HOMER2: variants seen among roughly 807,000 people sequenced by gnomAD.
HOMER2 encodes the protein homer protein homolog 2.
A neutral mutation model predicts 47.0 loss-of-function variants in HOMER2; 27 were observed. The observed-to-expected ratio is 0.57, with a 90% CI of 0.42 to 0.79. The LOEUF (loss-of-function observed/expected upper bound fraction) is 0.79, where lower values mean the gene tolerates loss of function less well. Among genes scored for constraint, HOMER2 ranks in the 30% least tolerant of loss-of-function variants. The pLI, the probability that HOMER2 is intolerant of heterozygous loss-of-function variation, is 0.00. For synonymous variants in HOMER2, 161 were observed against 163.8 expected, an observed-to-expected ratio of 0.98 and a Z score of 0.13; for missense variants, 443 against 435.0, an observed-to-expected ratio of 1.02 and a Z score of -0.16.
chr15:82,973,935 G>A (rs766666157), intron 1 of HOMER2, among the ~76,000 whole-genome samples: 1 of 152,068 alleles, frequency 6.6e-6, no homozygotes, highest in Admixed American at 6.6e-5. Context: ...GCATGGTGGT[G>A]CACACCTGTA....
downstream of HOMER2, chr15:82,845,280 T>C (rs1235715430): frequency 6.9e-6 from 1 of 144,236 alleles, no homozygotes; most frequent in Non-Finnish European, 1.5e-5. Context: ...ACATACACAG[T>C]CGTAAGTTCA....
chr15:82,929,930 A>G (rs1482620259), intron 1 of HOMER2, among the ~76,000 whole-genome samples: 2 of 151,580 alleles, frequency 1.3e-5, no homozygotes, highest in Non-Finnish European at 2.9e-5. Context: ...GGGCTTCTCC[A>G]TGTTGGTCAG....
intron 1 of HOMER2, among the ~76,000 whole-genome samples, chr15:82,898,147 C>G (rs1596333304): frequency 6.6e-6 from 1 of 152,198 alleles, no homozygotes; most frequent in African/African-American, 2.4e-5. Flanking sequence ...ATCTTAACAC[C>G]TTTATGGGCA....
intron 2 of HOMER2, among the ~76,000 whole-genome samples, chr15:82,881,906 C>T (rs913207008): frequency 1.3e-5 from 2 of 152,170 alleles, no homozygotes; most frequent in Non-Finnish European, 1.5e-5. Context: ...AGGAGAAGCA[C>T]CTGCTTCAGG....
Position 82,875,535 on chromosome 15 carries a change from G to A in HOMER2, c.163-131C>T, listed in dbSNP as rs139635669. The A allele has an allele frequency of 3.2e-4, 295 of 915,064 alleles. No individual in the cohort carries two copies. In the African/African-American group the frequency reaches 4.4e-3, roughly 14 times the overall value. 56.7% of individuals were successfully genotyped at this position (915,064 alleles called of 1,614,324 possible). A position where few individuals can be genotyped will look rare whatever the true frequency, so the allele number is the denominator to read the frequency against. ...TCTGCCCTGTTAAATTTGGTCCCGC[G>A]TTCTCCTGGAACAACCCATGCTGAG... is the stretch of plus-strand genomic sequence containing the variant. On this transcript the variant is annotated intron_variant, in intron 2 of 8. Coordinates refer to ENST00000450735, the MANE Select transcript of HOMER2 (RefSeq NM_004839.4).
intron 6 of HOMER2, 45 bp from the exon 7 acceptor site, chr15:82,852,297 T>C: frequency 7.4e-7 from 1 of 1,347,230 alleles, no homozygotes; most frequent in Non-Finnish European, 1.1e-6. Context: ...CAGCTTAACA[T>C]TAGTCATTAA....
At chr15:82,841,304 T>C (rs905652673) in exon 2 of HOMER2, 41 of 152,148 alleles carry the variant, frequency 2.7e-4, no homozygotes, top group African/African-American at 9.7e-4. Flanking sequence ...CATTAGCAAA[T>C]CTATTAAAAC....
chr15:82,943,952 T>A (rs1012519448), intron 1 of HOMER2, among the ~76,000 whole-genome samples: 8 of 152,188 alleles, frequency 5.3e-5, no homozygotes, highest in South Asian at 2.1e-4. Context: ...CAAAGCCTCA[T>A]CCTAAGCTTG....
intron 2 of HOMER2, among the ~76,000 whole-genome samples, chr15:82,880,552 G>C (rs2052490124): frequency 1.3e-5 from 2 of 152,146 alleles, no homozygotes; most frequent in African/African-American, 2.4e-5. Flanking sequence ...TAATACAAAT[G>C]GTTAAAAATA....
At chr15:82,863,700 C>T (rs1341061256) in intron 4 of HOMER2, among the ~76,000 whole-genome samples, 1 of 152,248 alleles carries the variant, frequency 6.6e-6, no homozygotes, top group Non-Finnish European at 1.5e-5. Context: ...AGACAGACTA[C>T]TGAATTCCTG....
At chr15:82,874,082 C>T (rs961499528) in intron 3 of HOMER2, among the ~76,000 whole-genome samples, 4 of 152,172 alleles carry the variant, frequency 2.6e-5, no homozygotes, top group African/African-American at 9.7e-5. Flanking sequence ...TGTCAATTCC[C>T]CAAGAATCTG....
At chr15:82,880,437 A>AGAGG (rs1289670048) in intron 2 of HOMER2, among the ~76,000 whole-genome samples, 3 of 152,172 alleles carry the variant, frequency 2.0e-5, no homozygotes, top group Non-Finnish European at 1.5e-5. Context: ...CTAATTAGGG[A>AGAGG]AAGGCCCATT....
At chr15:82,938,975 C>T (rs754429241) in intron 1 of HOMER2, among the ~76,000 whole-genome samples, 2 of 152,192 alleles carry the variant, frequency 1.3e-5, no homozygotes, top group Non-Finnish European at 2.9e-5. Flanking sequence ...CCTCCAGTTG[C>T]AGGCCTTGGC....
chr15:82,969,644 T>G (rs2029917050), intron 1 of HOMER2, among the ~76,000 whole-genome samples: 1 of 152,216 alleles, frequency 6.6e-6, no homozygotes, highest in Admixed American at 6.5e-5. Context: ...AAATGTTTAC[T>G]TAAAGAGACG....
Position 82,854,934 on chromosome 15 carries a change from C to G in HOMER2, c.495-134G>C. 3 of 1,036,400 alleles carry G rather than the reference C, an allele frequency of 2.9e-6. No individual in the cohort carries two copies. In the South Asian group the frequency reaches 5.1e-5, roughly 17 times the overall value. The allele number at this position is 1,036,400 out of a possible 1,614,324, so 64.2% of individuals were successfully genotyped here. On this transcript the variant is annotated intron_variant, in intron 5 of 8. Transcript: ENST00000450735. The stretch of plus-strand genomic sequence containing the variant: ...ACGCCCTCTCCCCACAGTAAGCTGG[C>G]AGGTGGGTCTGGCTACCCTGATCCA...
Position 82,849,662 on chromosome 15 carries a change from G to A in HOMER2, c.*53C>T. The A allele has an allele frequency of 6.7e-7, 1 of 1,503,340 alleles. No homozygotes were observed. Among genetic ancestry groups the A allele is most frequent in the Non-Finnish European group, 9.1e-7 (1 of 1,098,762 alleles). 93.1% of individuals were successfully genotyped at this position (1,503,340 alleles called of 1,614,324 possible). On this transcript the variant is annotated 3_prime_UTR_variant, in exon 9 of 9. Coordinates refer to ENST00000450735, the MANE Select transcript of HOMER2 (RefSeq NM_004839.4). ...ACAGAAGAACGTCCTAGAGCTATCT[G>A]GTCTCGCACACACGCTTGGGACTCA...
At chr15:82,917,414 T>C (rs2053618770) in intron 1 of HOMER2, among the ~76,000 whole-genome samples, 1 of 152,182 alleles carries the variant, frequency 6.6e-6, no homozygotes, top group Non-Finnish European at 1.5e-5. Flanking sequence ...CTGCCCTTTA[T>C]CTTGGGGAAA....
intron 3 of HOMER2, among the ~76,000 whole-genome samples, chr15:82,871,200 A>G (rs1217599254): frequency 6.6e-6 from 1 of 152,192 alleles, no homozygotes; most frequent in African/African-American, 2.4e-5. Flanking sequence ...GCCCTGTAAT[A>G]ATACTTTTTG....
At chr15:82,899,826 C>T (rs1442590829) in intron 1 of HOMER2, among the ~76,000 whole-genome samples, 2 of 152,114 alleles carry the variant, frequency 1.3e-5, no homozygotes, top group African/African-American at 2.4e-5. Context: ...AGTTTGAGAC[C>T]ACCCTGGCCA....
Sources: gnomAD v4.1 joint callset for allele counts (sites outside exome capture counted in the v4.1 genomes callset) on GRCh38, gnomAD v4.1.1 for gene constraint, MANE v1.5 for transcripts, NCBI Gene and HGNC (gene_info 2026-07-23, HGNC 2026-07-21) for gene names.